Variants in CRYBG3 observed in about 807,000 individuals in gnomAD.
CRYBG3 encodes the protein crystallin beta-gamma domain containing 3.
CRYBG3 carries 127 observed loss-of-function variants against 244.2 expected under a neutral mutation model. The observed-to-expected ratio is 0.52, with a 90% CI of 0.45 to 0.60. The LOEUF (loss-of-function observed/expected upper bound fraction) is 0.60. CRYBG3 is among the 20% of genes least tolerant of loss of function. The probability of loss-of-function intolerance (pLI) is 0.00; values close to 1 mark genes in which losing one functional copy is unlikely to be tolerated. For missense variants in CRYBG3, 3,325 were observed against 3,442.5 expected, an observed-to-expected ratio of 0.97 and a Z score of 0.85; for synonymous variants, 1,132 against 1,195.8, an observed-to-expected ratio of 0.95 and a Z score of 1.10.
chr3:97,841,153 C>G (rs1274861089), intron 1 of CRYBG3, among the ~76,000 whole-genome samples: 1 of 151,322 alleles, frequency 6.6e-6, no homozygotes, highest in Non-Finnish European at 1.5e-5. Flanking sequence ...AATTGTCCCA[C>G]AGAATTTTTT....
chr3:97,852,629 C>T (rs1214513232), intron 2 of CRYBG3, among the ~76,000 whole-genome samples: 2 of 152,150 alleles, frequency 1.3e-5, no homozygotes, highest in Non-Finnish European at 2.9e-5. Flanking sequence ...AATAGTGCTG[C>T]AATAAACATG....
At position 97,886,675 on chromosome 3, in the gene CRYBG3, A is replaced by G; in HGVS notation, c.7197A>G (p.Pro2399=). The part of the protein sequence containing the change: ...PEIELFPQSD[P]ACCPVYIQRA... ...TAGAGCTTTTCCCACAATCTGACCC[A>G]GCCTGTTGTCCTGTCTACATACAGA... The change falls in exon 8 of 22, where the codon CCA becomes CCG. Residue 2399 remains proline (P), a synonymous_variant. Transcript: ENST00000389622. 1 of 1,611,078 alleles carries G rather than the reference A, an allele frequency of 6.2e-7. No homozygotes were observed. Among genetic ancestry groups the G allele is most frequent in the South Asian group, 1.1e-5 (1 of 90,324 alleles).
intron 19 of CRYBG3, among the ~76,000 whole-genome samples, chr3:97,938,139 A>G (rs1001788399): frequency 5.3e-5 from 8 of 150,948 alleles, no homozygotes; most frequent in African/African-American, 1.9e-4. Context: ...TGATTCCAAC[A>G]ACAGTCCTTT....
intron 1 of CRYBG3, among the ~76,000 whole-genome samples, chr3:97,824,811 T>A (rs920116351): frequency 5.3e-5 from 8 of 152,162 alleles, no homozygotes; most frequent in Admixed American, 2.6e-4. Context: ...AAACTGCAAT[T>A]GAAGTTTTCA....
intron 1 of CRYBG3, among the ~76,000 whole-genome samples, chr3:97,833,683 G>A (rs534453569): frequency 6.6e-6 from 1 of 152,046 alleles, no homozygotes; most frequent in African/African-American, 2.4e-5. Flanking sequence ...AAACCTGCAT[G>A]TTCTGGACAT....
Position 97,943,855 on chromosome 3 carries a change from C to G in CRYBG3, c.*541C>G, listed in dbSNP as rs1167054734. The G allele has an allele frequency of 6.6e-6, 1 of 152,086 alleles. No homozygotes were observed. Among genetic ancestry groups the G allele is most frequent in the Non-Finnish European group, 1.5e-5 (1 of 68,068 alleles). The allele number at this position is 152,086 out of a possible 1,614,324, so 9.4% of individuals were successfully genotyped here. A position where few individuals can be genotyped will look rare whatever the true frequency, so the allele number is the denominator to read the frequency against. On this transcript the variant is annotated 3_prime_UTR_variant, in exon 22 of 22. Transcript: ENST00000389622. ...TACTGAGGCTTTTATAATGAACGCA[C>G]CTCGTTAAGTATTTATACTTGTAAC... is the stretch of plus-strand genomic sequence containing the variant.
At chr3:97,939,773 T>A (rs1411659591) in intron 19 of CRYBG3, among the ~76,000 whole-genome samples, 2 of 152,064 alleles carry the variant, frequency 1.3e-5, no homozygotes, top group African/African-American at 4.8e-5. Context: ...ACTGTTGCAT[T>A]GTTAATGTTG....
rs1036735556 is a variant in CRYBG3, at chr3:97,864,603, G to A, written c.603G>A (p.Leu201=). The change falls in exon 3 of 22, where the codon TTG becomes TTA. Residue 201 remains leucine, a synonymous_variant. Transcript: ENST00000389622. ...NSSELSDAFS[L]DTTQDSDQET... ...CCGAACTCTCAGATGCTTTTTCTTT[G>A]GATACAACACAAGACAGTGACCAAG... 6.5e-7 allele frequency: 1 copy of A among 1,535,466 alleles called. No individual in the cohort carries two copies. The highest frequency in any genetic ancestry group is 1.2e-5 in the South Asian group (1 of 84,010).
intron 15 of CRYBG3, among the ~76,000 whole-genome samples, chr3:97,908,543 T>C (rs576392230): frequency 4.9e-4 from 75 of 152,322 alleles, no homozygotes; most frequent in African/African-American, 1.8e-3. Context: ...GTTTAAAGTC[T>C]GTTTTATCAG....
At chr3:97,864,722 T>C in intron 3 of CRYBG3, 75 bp downstream of exon 3, 1 of 983,162 alleles carries the variant, frequency 1.0e-6, no homozygotes, top group Non-Finnish European at 1.5e-6. Context: ...GCTTTAATCC[T>C]AGTAATTGGT....
chr3:97,850,665 A>G (rs903342724), intron 2 of CRYBG3, among the ~76,000 whole-genome samples: 1 of 152,196 alleles, frequency 6.6e-6, no homozygotes, highest in Non-Finnish European at 1.5e-5. Context: ...ACTCTGTGAT[A>G]ACGATCTAAT....
At position 97,898,991 on chromosome 3, in the gene CRYBG3, A is replaced by G; in HGVS notation, c.7810A>G (p.Ser2604Gly). Residue 2604 changes from serine (S) to glycine (G), a missense_variant, in exon 13 of 22, where the codon AGT becomes GGT. Physicochemically the swap from Ser to Gly is moderately conservative, Grantham distance 56 (BLOSUM62 0). Coordinates refer to ENST00000389622, the MANE Select transcript of CRYBG3 (RefSeq NM_153605.4). ...TGATTTGGAAGAAATTGGCTTTGGC[A>G]GTAAAACAAGATCCATTCATGTTAA... ...ISDLEEIGFG[S>G]KTRSIHVKSG... The G allele has an allele frequency of 6.2e-7, 1 of 1,613,008 alleles. No homozygotes were observed. The highest frequency in any genetic ancestry group is 8.5e-7 in the Non-Finnish European group (1 of 1,179,600).
intron 15 of CRYBG3, among the ~76,000 whole-genome samples, chr3:97,901,103 A>G (rs544123089): frequency 6.6e-6 from 1 of 152,308 alleles, no homozygotes; most frequent in East Asian, 1.9e-4. Context: ...TCAGAATACA[A>G]GTAAGTGCTA....
chr3:97,889,433 G>A (rs113501221), intron 10 of CRYBG3, 43 bp downstream of exon 10: 34 of 1,462,754 alleles, frequency 2.3e-5, no homozygotes, highest in Middle Eastern at 3.5e-4. Flanking sequence ...AAGAGTCTCA[G>A]GATTAATATT....
intron 17 of CRYBG3, chr3:97,933,146 C>G (rs369044672): frequency 4.4e-6 from 2 of 454,194 alleles, no homozygotes; most frequent in South Asian, 3.1e-5. Context: ...CTATTCTTGT[C>G]TGACATGATG....
intron 15 of CRYBG3, among the ~76,000 whole-genome samples, chr3:97,901,363 C>G (rs944334326): frequency 2.0e-5 from 3 of 152,138 alleles, no homozygotes; most frequent in African/African-American, 7.2e-5. Flanking sequence ...ACATAATGCT[C>G]AGTGTTTTTC....
rs1006405666 is a variant in CRYBG3 at position 97,880,021 on chromosome 3, C to A, written c.6925C>A (p.Gln2309Lys). 4 of 1,596,576 alleles carry A rather than the reference C, an allele frequency of 2.5e-6. No individual in the cohort carries two copies. Among genetic ancestry groups the A allele is most frequent in the Non-Finnish European group, 3.4e-6 (4 of 1,167,082 alleles). ...TGATCTCCATGAAAGTACATATAAA[C>A]AAGAAGTCTACTGTAATATTCCTGA... ...IYDLHESTYK[Q>K]EVYCNIPDAT... is the part of the protein sequence containing the mutation. The change falls in exon 6 of 22, where the codon CAA becomes AAA. Residue 2309 changes from glutamine to lysine, a missense_variant. By Grantham distance (53) the Gln-to-Lys change is moderately conservative. This residue lies in a region of CRYBG3 where 714 missense variants were observed against 803.6 expected (regional missense o/e 0.89). Transcript: ENST00000389622.
At chr3:97,942,989 G>A (rs1159439995) in intron 21 of CRYBG3, 23 of 441,876 alleles carry the variant, frequency 5.2e-5, no homozygotes, top group Non-Finnish European at 7.9e-5. Context: ...ATTAAGGCAC[G>A]CCACTTATAC....
intron 15 of CRYBG3, 106 bp downstream of exon 15, chr3:97,900,591 C>G: frequency 1.4e-6 from 1 of 708,412 alleles, no homozygotes; most frequent in Non-Finnish European, 2.5e-6. Flanking sequence ...ATGTGTCTCT[C>G]TGGCAGAGCA....
Sources: allele counts gnomAD v4.1 joint callset (sites outside exome capture counted in the v4.1 genomes callset), GRCh38; gene constraint gnomAD v4.1.1; regional missense constraint gnomAD v4.1.1; transcripts MANE v1.5; gene names NCBI Gene and HGNC (gene_info 2026-07-23, HGNC 2026-07-21).